Variants in DNAH11 observed in about 807,000 individuals in gnomAD.
DNAH11 encodes the protein dynein axonemal heavy chain 11.
A neutral mutation model predicts 526.0 loss-of-function variants in DNAH11; 442 were observed. The observed-to-expected ratio is 0.84, with a 90% CI of 0.78 to 0.91. The LOEUF (loss-of-function observed/expected upper bound fraction) is 0.91, where lower values mean the gene tolerates loss of function less well. DNAH11 is among the 40% of genes least tolerant of loss of function. DNAH11 has a pLI of 0.00. For missense variants in DNAH11, 6,989 were observed against 5,448.7 expected (o/e 1.28, Z -8.90); for synonymous variants, 2,461 against 1,935.9 (o/e 1.27, Z -7.12).
chr7:21,812,354 C>T (rs1356793510), intron 63 of DNAH11, among the ~76,000 whole-genome samples: 18 of 152,246 alleles, frequency 1.2e-4, no homozygotes, highest in African/African-American at 4.3e-4. Flanking sequence ...CTTTCCCACA[C>T]CCACTTTTCA....
At position 21,900,140 on chromosome 7, in the gene DNAH11, A is replaced by AAGTGGGGAACCTTTTCTTACTC; in HGVS notation, c.13303+23_13303+44dup. 1 of 1,595,932 alleles carries AAGTGGGGAACCTTTTCTTACTC rather than the reference A, an allele frequency of 6.3e-7. No individual in the cohort carries two copies. Among genetic ancestry groups the AAGTGGGGAACCTTTTCTTACTC allele is most frequent in the Non-Finnish European group, 8.5e-7 (1 of 1,170,618 alleles). On this transcript the variant is annotated intron_variant, in intron 81 of 81. Coordinates refer to ENST00000409508, the MANE Select transcript of DNAH11 (RefSeq NM_001277115.2). ...TGGAGGGTAAGACACCCCAAGGGGTAAGTGGGGAACCTTTTCTTACTCAGG... is the reference window on the plus strand; with the variant it reads ...TGGAGGGTAAGACACCCCAAGGGGTAAGTGGGGAACCTTTTCTTACTCAGTGGGGAACCTTTTCTTACTCAGG...
At chr7:21,717,220 A>C (rs202141766) in intron 42 of DNAH11, among the ~76,000 whole-genome samples, 2 of 142,840 alleles carry the variant, frequency 1.4e-5, no homozygotes, top group South Asian at 2.3e-4. Context: ...ACACACACAC[A>C]CCCCAGCACC....
intron 42 of DNAH11, among the ~76,000 whole-genome samples, chr7:21,714,336 T>C (rs771852166): frequency 3.9e-5 from 6 of 152,346 alleles, no homozygotes; most frequent in Non-Finnish European, 4.4e-5. Flanking sequence ...TGTGACCAAA[T>C]AATTCATCCA....
In DNAH11 at chr7:21,659,073, A is replaced by G. The variant is rs764232279; in HGVS notation, c.5328+42A>G. 4.3e-5 allele frequency: 62 copies of G among 1,444,334 alleles called. No individual in the cohort carries two copies. In the South Asian group the frequency reaches 8.0e-4, roughly 19 times the overall value. 89.5% of individuals were successfully genotyped at this position (1,444,334 alleles called of 1,614,324 possible). On this transcript the variant is annotated intron_variant, in intron 30 of 81. Transcript: ENST00000409508. ...TGATTTTGAGACATAAAGGAACTTC[A>G]AGATGTAAGCTTGCTTCATTCATTC...
chr7:21,661,074 T>C (rs1020882074), intron 30 of DNAH11, among the ~76,000 whole-genome samples: 2 of 152,148 alleles, frequency 1.3e-5, no homozygotes, highest in Non-Finnish European at 2.9e-5. Flanking sequence ...ACTTACATTC[T>C]AGTTAATCAT....
chr7:21,766,309 T>C (rs1787183135), intron 55 of DNAH11, among the ~76,000 whole-genome samples: 3 of 152,214 alleles, frequency 2.0e-5, no homozygotes, highest in Admixed American at 2.0e-4. Context: ...AGATGAAGTT[T>C]TATTCATGTC....
rs112891029 is a variant in DNAH11, at chr7:21,641,848, A to G, written c.4944+2783A>G. On this transcript the variant is annotated intron_variant, in intron 28 of 81. Coordinates refer to ENST00000409508, the MANE Select transcript of DNAH11 (RefSeq NM_001277115.2). ...TTCTAAATCCCTGAATTCCAGGTAC[A>G]TTGCTCAGTACTAGTCCCCCTCCTT... 2.1e-3 allele frequency among the ~76,000 whole-genome samples: 326 copies of G among 152,322 alleles called. 4 individuals carry two copies. Among genetic ancestry groups the G allele is most frequent in the African/African-American group, 7.4e-3 (307 of 41,572 alleles).
intron 65 of DNAH11, among the ~76,000 whole-genome samples, chr7:21,835,398 T>TA (rs1199825851): frequency 7.9e-5 from 12 of 151,910 alleles, no homozygotes; most frequent in African/African-American, 2.9e-4. Context: ...AACAGCACAT[T>TA]AAAAAGATCA....
In DNAH11 at chr7:21,619,232, T is replaced by G. The variant is rs144229693; in HGVS notation, c.4377+10T>G. On this transcript the variant is annotated intron_variant, in intron 24 of 81. Coordinates refer to ENST00000409508, the MANE Select transcript of DNAH11 (RefSeq NM_001277115.2). Reference sequence around the variant, plus strand: ...GCTGGGGACTGAGAAGGTAGTGTCCTCGGGACTGGGTCATTTCTACTTGGC... The same window carrying G: ...GCTGGGGACTGAGAAGGTAGTGTCCGCGGGACTGGGTCATTTCTACTTGGC... 2.5e-5 allele frequency: 40 copies of G among 1,611,222 alleles called. No homozygotes were observed. The African/African-American group carries it at 4.5e-4, about 18-fold the overall frequency.
intron 30 of DNAH11, among the ~76,000 whole-genome samples, chr7:21,665,355 C>T (rs1224204347): frequency 2.6e-5 from 4 of 151,954 alleles, no homozygotes; most frequent in Non-Finnish European, 4.4e-5. Context: ...TTTTGGTTAT[C>T]GTTAATAATA....
At chr7:21,721,154 C>T (rs921267406) in intron 44 of DNAH11, among the ~76,000 whole-genome samples, 2 of 152,210 alleles carry the variant, frequency 1.3e-5, no homozygotes, top group African/African-American at 2.4e-5. Flanking sequence ...AAGCCCCACT[C>T]AGTGTGCCTG....
intron 61 of DNAH11, among the ~76,000 whole-genome samples, chr7:21,794,644 A>C (rs1461397664): frequency 6.6e-6 from 1 of 151,900 alleles, no homozygotes; most frequent in Non-Finnish European, 1.5e-5. Context: ...GCTGTTGAAC[A>C]GCCACTCTGA....
In DNAH11 at chr7:21,714,169, A is replaced by G. The variant is rs146183332; in HGVS notation, c.6983+2309A>G. Among the ~76,000 whole-genome samples, 81 of 152,346 alleles carry G rather than the reference A, an allele frequency of 5.3e-4. 1 individual carries two copies. Among genetic ancestry groups the G allele is most frequent in the African/African-American group, 1.9e-3 (79 of 41,586 alleles). Reference sequence around the variant, plus strand: ...TCCAAATCCCTAAAGAAGGACTTCTATGCAGTACATCAAAGGTCACGGGTT... The same window carrying G: ...TCCAAATCCCTAAAGAAGGACTTCTGTGCAGTACATCAAAGGTCACGGGTT... On this transcript the variant is annotated intron_variant, in intron 42 of 81. Transcript: ENST00000409508.
intron 61 of DNAH11, 48 bp downstream of exon 61, chr7:21,789,390 G>A (rs750227982): frequency 1.5e-5 from 20 of 1,334,948 alleles, no homozygotes; most frequent in Non-Finnish European, 2.1e-5. Flanking sequence ...GGTGGTCGCT[G>A]CCTCCACCTT....
intron 48 of DNAH11, among the ~76,000 whole-genome samples, chr7:21,741,139 C>T (rs958823502): frequency 3.3e-5 from 5 of 152,130 alleles, no homozygotes; most frequent in Admixed American, 6.5e-5. Flanking sequence ...CTGATATTTT[C>T]TCTGTTTCTA....
intron 45 of DNAH11, among the ~76,000 whole-genome samples, chr7:21,734,665 G>T (rs1785526841): frequency 6.6e-6 from 1 of 152,016 alleles, no homozygotes; most frequent in African/African-American, 2.4e-5. Context: ...AGACGAGTCT[G>T]GGCAACGTGG....
intron 20 of DNAH11, among the ~76,000 whole-genome samples, chr7:21,609,132 G>A (rs1385916663): frequency 1.3e-5 from 2 of 152,182 alleles, no homozygotes; most frequent in African/African-American, 2.4e-5. Flanking sequence ...TTTCTTCACA[G>A]CCAAAGATAT....
At chr7:21,842,496 T>TGTCTGA (rs1782244973) in intron 65 of DNAH11, 48 bp from the exon 66 acceptor site, 1 of 1,497,590 alleles carries the variant, frequency 6.7e-7, no homozygotes, top group Non-Finnish European at 9.2e-7. Flanking sequence ...GTAGTATCAG[T>TGTCTGA]TATGGGTCAT....
chr7:21,543,334 T>C lies in DNAH11; in HGVS notation c.89T>C (p.Val30Ala), dbSNP rs1782656874. 6.4e-7 allele frequency: 1 copy of C among 1,550,734 alleles called. No individual in the cohort carries two copies. Among genetic ancestry groups the C allele is most frequent in the Non-Finnish European group, 8.7e-7 (1 of 1,146,680 alleles). The change falls in exon 1 of 82, where the codon GTG becomes GCG. Residue 30 changes from valine (V) to alanine (A), a missense_variant. Coordinates refer to ENST00000409508, the MANE Select transcript of DNAH11 (RefSeq NM_001277115.2). ...ACCTCGGGGGCCGGCCTGGAGGCAG[T>C]GGGCGCTGTGGAGCTCGAGGAGGAG... is the stretch of plus-strand genomic sequence containing the variant. ...RLTSGAGLEA[V>A]GAVELEEEEE...
Sources: allele counts gnomAD v4.1 joint callset (sites outside exome capture counted in the v4.1 genomes callset), GRCh38; gene constraint gnomAD v4.1.1; transcripts MANE v1.5; gene names NCBI Gene and HGNC (gene_info 2026-07-23, HGNC 2026-07-21).